Variants in SLCO3A1 observed in about 807,000 individuals in gnomAD.
The protein encoded by SLCO3A1 is PGE1 transporter.
In SLCO3A1, 27 loss-of-function variants were observed where a neutral mutation model predicts 63.1. The ratio of observed to expected loss-of-function variants is 0.43; its 90% CI spans 0.32 to 0.59. The LOEUF (loss-of-function observed/expected upper bound fraction) is 0.59. SLCO3A1 is among the 20% of genes least tolerant of loss of function. SLCO3A1 has a pLI of 0.09. For synonymous variants in SLCO3A1, 473 were observed against 409.9 expected (o/e 1.15, Z -1.86); for missense variants, 773 against 945.8 (o/e 0.82, Z 2.40).
At chr15:91,921,457 GA>G (rs1432252063) in intron 2 of SLCO3A1, among the ~76,000 whole-genome samples, 2 of 151,800 alleles carry the variant, frequency 1.3e-5, no homozygotes, top group African/African-American at 4.8e-5. Context: ...ACCAAACCAA[GA>G]CTACACTCCT....
At chr15:91,938,473 G>GT (rs1035027089) in intron 2 of SLCO3A1, among the ~76,000 whole-genome samples, 8 of 126,806 alleles carry the variant, frequency 6.3e-5, no homozygotes, top group African/African-American at 1.7e-4. Flanking sequence ...CTAAACATTG[G>GT]TTTTTTTTGT....
At chr15:91,973,304 CA>C (rs1213101511) in intron 2 of SLCO3A1, among the ~76,000 whole-genome samples, 1 of 152,196 alleles carries the variant, frequency 6.6e-6, no homozygotes, top group East Asian at 1.9e-4. Context: ...AACTTGACGG[CA>C]GCCCTCTGAG....
intron 2 of SLCO3A1, among the ~76,000 whole-genome samples, chr15:92,091,432 A>G (rs2047474848): frequency 6.6e-6 from 1 of 152,228 alleles, no homozygotes; most frequent in Admixed American, 6.5e-5. Context: ...TTCAGGCAGA[A>G]CATTCGAGCT....
intron 2 of SLCO3A1, among the ~76,000 whole-genome samples, chr15:91,932,485 G>T (rs964034477): frequency 4.0e-5 from 6 of 150,252 alleles, no homozygotes; most frequent in African/African-American, 1.5e-4. Context: ...TTGCTCTATT[G>T]CCCAGGCTGG....
At chr15:92,020,173 C>T (rs1299065986) in intron 2 of SLCO3A1, among the ~76,000 whole-genome samples, 1 of 152,150 alleles carries the variant, frequency 6.6e-6, no homozygotes, top group Non-Finnish European at 1.5e-5. Context: ...CTTGTAGCTT[C>T]AGTGTATATG....
At chr15:91,879,152 G>C (rs987541197) in intron 1 of SLCO3A1, among the ~76,000 whole-genome samples, 1 of 152,122 alleles carries the variant, frequency 6.6e-6, no homozygotes, top group Non-Finnish European at 1.5e-5. Context: ...TAGAGTAATC[G>C]GATAGGCCAT....
In SLCO3A1 at chr15:92,104,409, C is replaced by A; in HGVS notation, c.876C>A (p.His292Gln). 1 of 1,614,188 alleles carries A rather than the reference C, an allele frequency of 6.2e-7. No individual in the cohort carries two copies. ...GGTTTCCACAGTCCCTGCCCCCGCA[C>A]TCAGAGCCCGCCATGGAAAGCGAGC... Reference protein sequence around the residue: ...MFGFPQSLPPHSEPAMESEQA... With the variant: ...MFGFPQSLPPQSEPAMESEQA... Residue 292 changes from histidine to glutamine, a missense_variant, in exon 4 of 10, where the codon CAC (histidine) becomes CAA (glutamine). Transcript: ENST00000318445.
intron 4 of SLCO3A1, among the ~76,000 whole-genome samples, chr15:92,107,082 C>T (rs542370542): frequency 5.9e-5 from 9 of 152,250 alleles, no homozygotes; most frequent in East Asian, 1.9e-4. Context: ...GATGAGCTGC[C>T]GTTGAGCTGA....
chr15:91,980,017 A>T (rs532373761), intron 2 of SLCO3A1, among the ~76,000 whole-genome samples: 1 of 152,226 alleles, frequency 6.6e-6, no homozygotes, highest in East Asian at 1.9e-4. Flanking sequence ...GAGCTTCACC[A>T]TCCGCATTTG....
chr15:91,970,695 C>T (rs967036151), intron 2 of SLCO3A1, among the ~76,000 whole-genome samples: 1 of 152,174 alleles, frequency 6.6e-6, no homozygotes. Flanking sequence ...AAAAAACAGG[C>T]ATCCAGGGTG....
intron 2 of SLCO3A1, among the ~76,000 whole-genome samples, chr15:91,972,575 C>T (rs1370018756): frequency 6.6e-6 from 1 of 152,188 alleles, no homozygotes; most frequent in East Asian, 1.9e-4. Context: ...TTATAAGCCA[C>T]CCAGGCTGTT....
intron 2 of SLCO3A1, among the ~76,000 whole-genome samples, chr15:91,923,080 C>T (rs1013953386): frequency 3.3e-5 from 5 of 152,224 alleles, no homozygotes; most frequent in Non-Finnish European, 7.3e-5. Flanking sequence ...ATCCTGGCCC[C>T]TCCACGACTC....
chr15:91,947,912 A>G (rs964587429), intron 2 of SLCO3A1, among the ~76,000 whole-genome samples: 2 of 152,146 alleles, frequency 1.3e-5, no homozygotes, highest in Admixed American at 6.5e-5. Context: ...GCTGCTGGCA[A>G]TTCCCCTTTG....
At chr15:91,939,227 G>C (rs555357293) in intron 2 of SLCO3A1, among the ~76,000 whole-genome samples, 7 of 152,198 alleles carry the variant, frequency 4.6e-5, no homozygotes, top group African/African-American at 1.7e-4. Flanking sequence ...AAACAGGAAC[G>C]AGAGAGAGAA....
intron 4 of SLCO3A1, among the ~76,000 whole-genome samples, chr15:92,115,623 A>ATT (rs2047785172): frequency 3.1e-4 from 47 of 152,044 alleles, no homozygotes; most frequent in Admixed American, 2.2e-3. Context: ...TCACTTCCAC[A>ATT]TCTACTAAAG....
chr15:91,947,545 G>A (rs1264640778), intron 2 of SLCO3A1, among the ~76,000 whole-genome samples: 1 of 152,188 alleles, frequency 6.6e-6, no homozygotes, highest in Non-Finnish European at 1.5e-5. Flanking sequence ...TTGAGATGAT[G>A]ACACTAGGAG....
At chr15:92,096,123 G>A (rs569242995) in intron 3 of SLCO3A1, among the ~76,000 whole-genome samples, 1 of 152,304 alleles carries the variant, frequency 6.6e-6, no homozygotes, top group East Asian at 1.9e-4. Flanking sequence ...CAGTCAAGGT[G>A]TTGCAAGGTG....
At chr15:92,082,701 T>C (rs1190122380) in intron 2 of SLCO3A1, among the ~76,000 whole-genome samples, 2 of 152,230 alleles carry the variant, frequency 1.3e-5, no homozygotes, top group Admixed American at 6.5e-5. Context: ...ACAAGACTGA[T>C]AACCCTTCTT....
At chr15:92,154,714 C>T (rs1026500266) in intron 9 of SLCO3A1, among the ~76,000 whole-genome samples, 12 of 151,812 alleles carry the variant, frequency 7.9e-5, no homozygotes, top group Admixed American at 2.0e-4. Flanking sequence ...GGCAGGGCTG[C>T]AGAGGTGTAC....
Sources: allele counts gnomAD v4.1 joint callset (sites outside exome capture counted in the v4.1 genomes callset), GRCh38; gene constraint gnomAD v4.1.1; transcripts MANE v1.5; gene names NCBI Gene and HGNC (gene_info 2026-07-23, HGNC 2026-07-21).